GPR149: variants seen among roughly 807,000 people sequenced by gnomAD.
The protein encoded by GPR149 is G protein-coupled receptor 149.
Under a neutral mutation model 50.2 loss-of-function variants are expected in GPR149, and 50 were observed. That is an observed-to-expected ratio of 1.00 (90% confidence interval 0.79 to 1.26). GPR149 has a LOEUF of 1.26. GPR149 is among the 50% of genes most tolerant of loss of function. The pLI is 0.00. For synonymous variants in GPR149, 405 were observed against 358.2 expected (o/e 1.13, Z -1.48); for missense variants, 983 against 895.4 (o/e 1.10, Z -1.25).
intron 3 of GPR149, among the ~76,000 whole-genome samples, chr3:154,392,814 AT>A (rs992085599): frequency 1.1e-3 from 163 of 152,066 alleles, no homozygotes; most frequent in African/African-American, 3.8e-3. Context: ...CTATACACCA[AT>A]AAATTGGATT....
At position 154,341,292 on chromosome 3, in the gene GPR149, CATATATATATATATATATATAT is replaced by C. The variant is rs373212063; in HGVS notation, c.1624-3043_1624-3022del. ...GCAAAAAATCAAGAAAAAAATAAGACATATATATATATATATATATATATATATATATATATATATATATATA... is the reference window on the plus strand; with the variant it reads ...GCAAAAAATCAAGAAAAAAATAAGACATATATATATATATATATATATATA... On this transcript the variant is annotated intron_variant, in intron 3 of 3. Transcript: ENST00000389740. Among the ~76,000 whole-genome samples, 407 of 72,954 alleles carry C rather than the reference CATATATATATATATATATATAT, an allele frequency of 5.6e-3. 19 individuals are homozygous for C. Among genetic ancestry groups the C allele is most frequent in the African/African-American group, 0.014 (263 of 18,580 alleles). 47.9% of individuals were successfully genotyped at this position (72,954 alleles called of 152,430 possible). A position where few individuals can be genotyped will look rare whatever the true frequency, so the allele number is the denominator to read the frequency against.
intron 3 of GPR149, among the ~76,000 whole-genome samples, chr3:154,411,451 G>A (rs878993488): frequency 1.3e-5 from 2 of 152,032 alleles, no homozygotes; most frequent in African/African-American, 4.8e-5. Flanking sequence ...TAGACCATTA[G>A]CGAGATTTAT....
Position 154,379,825 on chromosome 3 carries a change from A to G in GPR149, c.1623+41214T>C, listed in dbSNP as rs182506775. Among the ~76,000 whole-genome samples, 603 of 152,248 alleles carry G rather than the reference A, an allele frequency of 4.0e-3. 18 individuals carry two copies. The highest frequency in any genetic ancestry group is 0.034 in the Admixed American group (518 of 15,274). On this transcript the variant is annotated intron_variant, in intron 3 of 3. Transcript: ENST00000389740. The stretch of plus-strand genomic sequence containing the variant: ...ATCTTTATGCCAGTCATGAACTGTC[A>G]TAATTACTGTGTCTTTATAGCGAGT...
intron 3 of GPR149, among the ~76,000 whole-genome samples, chr3:154,395,180 AC>A (rs1715260624): frequency 6.6e-6 from 1 of 152,032 alleles, no homozygotes; most frequent in Admixed American, 6.6e-5. Context: ...TGAGATACTG[AC>A]CAAAAAAAGC....
chr3:154,387,155 T>C (rs1715062257), intron 3 of GPR149, among the ~76,000 whole-genome samples: 1 of 152,164 alleles, frequency 6.6e-6, no homozygotes, highest in Non-Finnish European at 1.5e-5. Context: ...TGCTTATGGG[T>C]GTTGAGCACA....
intron 3 of GPR149, among the ~76,000 whole-genome samples, chr3:154,371,709 G>C (rs143726796): frequency 0.016 from 2,442 of 152,196 alleles, 53 homozygotes; most frequent in African/African-American, 0.055. Flanking sequence ...AACCAGTCAG[G>C]AATCATTACT....
chr3:154,355,709 G>GAAAT (rs1714203190), intron 3 of GPR149, among the ~76,000 whole-genome samples: 1 of 152,072 alleles, frequency 6.6e-6, no homozygotes, highest in Non-Finnish European at 1.5e-5. Context: ...CCTAAGAAAT[G>GAAAT]AAATAATTTT....
At chr3:154,374,169 C>CTTTTTTTTTTTTTTTTTTTT (rs3069044) in intron 3 of GPR149, among the ~76,000 whole-genome samples, 1 of 103,174 alleles carries the variant, frequency 9.7e-6, no homozygotes, top group Non-Finnish European at 1.8e-5. Flanking sequence ...CTTTTCTTTT[C>CTTTTTTTTTTTTTTTTTTTT]TTTTTTTTTT....
chr3:154,353,510 C>T, intron 3 of GPR149: 1 of 894,242 alleles, frequency 1.1e-6, no homozygotes, highest in South Asian at 1.3e-5. Flanking sequence ...ATCAGCCACT[C>T]TGCAGATGAT....
At chr3:154,366,721 T>C (rs1714540830) in intron 3 of GPR149, among the ~76,000 whole-genome samples, 1 of 152,314 alleles carries the variant, frequency 6.6e-6, no homozygotes, top group African/African-American at 2.4e-5. Flanking sequence ...AGCCCTGGCA[T>C]TGAGATGTCC....
intron 3 of GPR149, among the ~76,000 whole-genome samples, chr3:154,341,389 T>A (rs2108383713): frequency 7.0e-6 from 1 of 141,872 alleles, no homozygotes; most frequent in South Asian, 2.2e-4. Flanking sequence ...GAAAATATTA[T>A]CTTCCTAGAA....
chr3:154,420,620 G>A lies in GPR149; in HGVS notation c.1623+419C>T, dbSNP rs571779983. Among the ~76,000 whole-genome samples, 3 of 151,944 alleles carry A rather than the reference G, an allele frequency of 2.0e-5. No homozygotes were observed. The South Asian group carries it at 6.2e-4, about 32-fold the overall frequency. ...AGAACAACACTTCTCACTGCTAGTT[G>A]TATAAATATTTGCCTTTACATGAAA... On this transcript the variant is annotated intron_variant, in intron 3 of 3. Coordinates refer to ENST00000389740, the MANE Select transcript of GPR149 (RefSeq NM_001038705.3).
intron 3 of GPR149, among the ~76,000 whole-genome samples, chr3:154,401,648 A>C (rs1711552422): frequency 6.6e-6 from 1 of 152,126 alleles, no homozygotes; most frequent in African/African-American, 2.4e-5. Context: ...TCAGAAGGCA[A>C]ACTGGGGGGA....
In GPR149 at chr3:154,429,334, T is replaced by C. The variant is rs1712418146; in HGVS notation, c.282A>G (p.Pro94=). The part of the protein sequence containing the change: ...SVTIFMFLQW[P]NEVPGYFQFL... ...ATTGGAAGTAACCGGGGACCTCGTT[T>C]GGCCACTGCAAAAACATGAAGATGG... Residue 94 remains proline (P), a synonymous_variant, in exon 1 of 4, where the codon CCA becomes CCG. Coordinates refer to ENST00000389740, the MANE Select transcript of GPR149 (RefSeq NM_001038705.3). 4.3e-6 allele frequency: 7 copies of C among 1,614,198 alleles called. No individual in the cohort carries two copies. Among genetic ancestry groups the C allele is most frequent in the Non-Finnish European group, 5.9e-6 (7 of 1,180,042 alleles).
At chr3:154,363,635 G>A (rs789380) in intron 3 of GPR149, among the ~76,000 whole-genome samples, 137,933 of 152,224 alleles carry the variant, frequency 0.91, 62,722 homozygotes, top group East Asian at 1. Context: ...CAAGCCAAGG[G>A]CAGTCTAAAA....
chr3:154,374,330 A>T (rs1449614022), intron 3 of GPR149, among the ~76,000 whole-genome samples: 2 of 151,576 alleles, frequency 1.3e-5, no homozygotes, highest in East Asian at 1.9e-4. Flanking sequence ...GTGCTCCATG[A>T]CACCCAGATA....
In GPR149 at chr3:154,427,625, G is replaced by T. The variant is rs778932871; in HGVS notation, c.1065C>A (p.Thr355=). 2.5e-6 allele frequency: 4 copies of T among 1,614,206 alleles called. No individual in the cohort carries two copies. Among genetic ancestry groups the T allele is most frequent in the South Asian group, 1.1e-5 (1 of 91,078 alleles). The change falls in exon 2 of 4, where the codon ACC becomes ACA. Residue 355 remains threonine (T), a synonymous_variant. Coordinates refer to ENST00000389740, the MANE Select transcript of GPR149 (RefSeq NM_001038705.3). The stretch of plus-strand genomic sequence containing the variant: ...ACAAGACAAACACTGGGGTTACAGT[G>T]GTGGCCAGCAGGGTAAGTAGAAAGC... ...TFSFLLTLLA[T]TVTPVFVLSK...
At chr3:154,349,798 A>G (rs1415202051) in intron 3 of GPR149, among the ~76,000 whole-genome samples, 1 of 152,206 alleles carries the variant, frequency 6.6e-6, no homozygotes, top group Non-Finnish European at 1.5e-5. Flanking sequence ...ATAAAACTAT[A>G]GATTAGTATC....
chr3:154,338,081 T>A lies in GPR149; in HGVS notation c.1814A>T (p.Asp605Val). 6.8e-6 allele frequency: 11 copies of A among 1,614,134 alleles called. No individual in the cohort carries two copies. Among genetic ancestry groups the A allele is most frequent in the African/African-American group, 1.3e-5 (1 of 75,038 alleles). ...KSVGHEPNSE[D>V]SSSTFVDTSV... ...GGTGTCCACAAACGTGGATGAAGAA[T>A]CTTCTGAGTTTGGTTCATGGCCAAC... Residue 605 changes from aspartate (D) to valine (V), a missense_variant, in exon 4 of 4, where the codon GAT (aspartate) becomes GTT (valine). Transcript: ENST00000389740.
Sources: gnomAD v4.1 joint callset for allele counts (sites outside exome capture counted in the v4.1 genomes callset) on GRCh38, gnomAD v4.1.1 for gene constraint, MANE v1.5 for transcripts, NCBI Gene and HGNC (gene_info 2026-07-23, HGNC 2026-07-21) for gene names.